ADGRL2: variants seen among roughly 807,000 people sequenced by gnomAD.
ADGRL2 encodes adhesion G protein-coupled receptor L2, also known as calcium-independent alpha-latrotoxin receptor 2.
In ADGRL2, 44 loss-of-function variants were observed where a neutral mutation model predicts 157.4. The observed-to-expected ratio is 0.28, with a 90% CI of 0.22 to 0.36. ADGRL2 has a LOEUF of 0.36. Ranked by LOEUF, ADGRL2 falls within the 10% of genes least tolerant of loss-of-function variation. The pLI is 1.00. For missense variants in ADGRL2, 1,510 were observed against 1,768.9 expected (o/e 0.85, Z 2.63); for synonymous variants, 585 against 624.7 (o/e 0.94, Z 0.95).
intron 2 of ADGRL2, among the ~76,000 whole-genome samples, chr1:81,895,759 A>T (rs2094374171): frequency 6.6e-6 from 1 of 152,136 alleles, no homozygotes; most frequent in Admixed American, 6.6e-5. Flanking sequence ...GCTTTAAAAA[A>T]ATTGCTTATA....
chr1:81,405,613 G>A (rs1309226336), intron 1 of ADGRL2, among the ~76,000 whole-genome samples: 6 of 140,928 alleles, frequency 4.3e-5, no homozygotes, highest in Admixed American at 7.4e-5. Context: ...TTATACCACC[G>A]CACTCCAGCC....
chr1:81,899,784 G>A (rs2094455648), intron 2 of ADGRL2, among the ~76,000 whole-genome samples: 1 of 152,080 alleles, frequency 6.6e-6, no homozygotes, highest in Admixed American at 6.6e-5. Flanking sequence ...GTAATAGTGT[G>A]GTTAAAAGGC....
chr1:81,492,461 A>C (rs922528006), intron 2 of ADGRL2, among the ~76,000 whole-genome samples: 1 of 152,212 alleles, frequency 6.6e-6, no homozygotes. Flanking sequence ...ATGACAGTCT[A>C]TTGACTGAGA....
chr1:81,323,564 G>GT (rs1338647122), intron 1 of ADGRL2, among the ~76,000 whole-genome samples: 2 of 151,866 alleles, frequency 1.3e-5, no homozygotes, highest in Non-Finnish European at 2.9e-5. Context: ...AGAAATTGGT[G>GT]TTTTATCATT....
At chr1:81,909,793 T>G (rs1394819152) in intron 3 of ADGRL2, among the ~76,000 whole-genome samples, 2 of 152,130 alleles carry the variant, frequency 1.3e-5, no homozygotes, top group East Asian at 3.9e-4. Context: ...TCTTTAAAAT[T>G]TAGATGTAAG....
chr1:81,547,356 C>T (rs1293407370), intron 2 of ADGRL2, among the ~76,000 whole-genome samples: 2 of 152,196 alleles, frequency 1.3e-5, no homozygotes, highest in Admixed American at 6.5e-5. Context: ...GCCCTTTCCC[C>T]TCACCATTCC....
At chr1:81,841,030 G>C (rs2092556667) in intron 2 of ADGRL2, among the ~76,000 whole-genome samples, 2 of 152,128 alleles carry the variant, frequency 1.3e-5, no homozygotes, top group Non-Finnish European at 2.9e-5. Context: ...GCAAGCATAA[G>C]TTAGACACAT....
chr1:81,545,204 A>G (rs2079984094), intron 2 of ADGRL2, among the ~76,000 whole-genome samples: 1 of 152,176 alleles, frequency 6.6e-6, no homozygotes, highest in African/African-American at 2.4e-5. Flanking sequence ...TCAAAACACT[A>G]AAATATTTTA....
At chr1:81,930,523 C>T (rs2148757867) in intron 3 of ADGRL2, among the ~76,000 whole-genome samples, 1 of 152,230 alleles carries the variant, frequency 6.6e-6, no homozygotes, top group African/African-American at 2.4e-5. Flanking sequence ...GTAATACTTT[C>T]ACCTTCTTGC....
intron 3 of ADGRL2, among the ~76,000 whole-genome samples, chr1:81,598,508 T>A (rs1332709031): frequency 6.6e-6 from 1 of 152,250 alleles, no homozygotes; most frequent in Non-Finnish European, 1.5e-5. Flanking sequence ...AATATCAATA[T>A]ATGGACCTTT....
chr1:81,549,686 T>C (rs551098331), intron 2 of ADGRL2, among the ~76,000 whole-genome samples: 178 of 152,284 alleles, frequency 1.2e-3, no homozygotes, highest in Non-Finnish European at 1.8e-3. Context: ...AAGCATAACA[T>C]GTAAACAAGA....
At chr1:81,648,872 G>A (rs960307128) in intron 3 of ADGRL2, among the ~76,000 whole-genome samples, 1 of 152,106 alleles carries the variant, frequency 6.6e-6, no homozygotes, top group East Asian at 1.9e-4. Flanking sequence ...GCACTCCCAG[G>A]GACTTTAACT....
At chr1:81,756,796 T>C (rs1267067662) in intron 1 of ADGRL2, among the ~76,000 whole-genome samples, 2 of 152,186 alleles carry the variant, frequency 1.3e-5, no homozygotes, top group African/African-American at 4.8e-5. Context: ...ATTTGTCCTT[T>C]TCTGACTTCT....
intron 3 of ADGRL2, among the ~76,000 whole-genome samples, chr1:81,616,679 C>CTTTTCTTTTTTTTTTTT (rs1491482868): frequency 9.4e-6 from 1 of 105,988 alleles, no homozygotes. Context: ...CTTTTCTTTT[C>CTTTTCTTTTTTTTTTTT]TTTTTTTTTT....
chr1:81,682,101 ATATG>A (rs1557562043), intron 3 of ADGRL2, among the ~76,000 whole-genome samples: 2 of 88,328 alleles, frequency 2.3e-5, no homozygotes, highest in Non-Finnish European at 4.6e-5. Flanking sequence ...ATATACATAT[ATATG>A]TGTGTGTGTG....
At chr1:81,813,203 T>G (rs75129163) in intron 1 of ADGRL2, among the ~76,000 whole-genome samples, 3,992 of 150,850 alleles carry the variant, frequency 0.026, 79 homozygotes, top group East Asian at 0.057. Context: ...AGTAACATTA[T>G]TTTAGAATTT....
At chr1:81,472,694 T>C (rs752555531) in intron 2 of ADGRL2, among the ~76,000 whole-genome samples, 1 of 152,242 alleles carries the variant, frequency 6.6e-6, no homozygotes, top group Non-Finnish European at 1.5e-5. Context: ...CTCTAGTCTG[T>C]ATATCTCTTG....
Position 81,314,299 on chromosome 1 carries a change from A to G in ADGRL2, c.-302+7790A>G, listed in dbSNP as rs111571056. Among the ~76,000 whole-genome samples, 32 of 152,296 alleles carry G rather than the reference A, an allele frequency of 2.1e-4. 1 individual carries two copies. The highest frequency in any genetic ancestry group is 7.0e-4 in the African/African-American group (29 of 41,564). On this transcript the variant is annotated intron_variant, in intron 1 of 24. Coordinates refer to the ADGRL2 transcript ENST00000370721. Reference sequence around the variant, plus strand: ...TGTTTTAAGCATGTGTGATGTACTTATATTTCGGTATTTTTGTGTGTGTAT... The same window carrying G: ...TGTTTTAAGCATGTGTGATGTACTTGTATTTCGGTATTTTTGTGTGTGTAT...
intron 2 of ADGRL2, among the ~76,000 whole-genome samples, chr1:81,895,143 A>G (rs2094354543): frequency 6.6e-6 from 1 of 152,114 alleles, no homozygotes; most frequent in Non-Finnish European, 1.5e-5. Context: ...TAGTCTTCGG[A>G]TTCAGAGAAA....
Sources: gnomAD v4.1 joint callset for allele counts (sites outside exome capture counted in the v4.1 genomes callset) on GRCh38, gnomAD v4.1.1 for gene constraint, MANE v1.5 for transcripts, NCBI Gene and HGNC (gene_info 2026-07-23, HGNC 2026-07-21) for gene names.